The following PSMA8 variants were observed in gnomAD, a reference collection of about 807,000 sequenced individuals.
The protein encoded by PSMA8 is proteasome 20S subunit alpha 8.
Under a neutral mutation model 32.4 loss-of-function variants are expected in PSMA8, and 18 were observed. The observed-to-expected ratio is 0.56, with a 90% confidence interval of 0.38 to 0.82. PSMA8 has a LOEUF of 0.82. Among genes scored for constraint, PSMA8 ranks in the 40% least tolerant of loss-of-function variants. The probability of loss-of-function intolerance (pLI) is 0.00; values close to 1 mark genes in which losing one functional copy is unlikely to be tolerated. For missense variants in PSMA8, 298 were observed against 300.7 expected (o/e 0.99, Z 0.07); for synonymous variants, 104 against 98.1 (o/e 1.06, Z -0.36).
At chr18:26,170,818 A>G in intron 4 of PSMA8, 2 of 1,558,572 alleles carry the variant, frequency 1.3e-6, no homozygotes, top group Non-Finnish European at 1.7e-6. Context: ...AGAAGTTTAT[A>G]TTTCTCCAAA....
chr18:26,159,749 ACTCTG>A (rs1054155667), intron 4 of PSMA8, among the ~76,000 whole-genome samples: 4 of 151,732 alleles, frequency 2.6e-5, no homozygotes, highest in Non-Finnish European at 5.9e-5. Context: ...TTGGTCTGAA[ACTCTG>A]CTCTGCTCTG....
At chr18:26,191,575 C>T (rs1051580320) in intron 6 of PSMA8, among the ~76,000 whole-genome samples, 6 of 56 alleles carry the variant, frequency 0.11, no homozygotes, top group African/African-American at 0.25. Context: ...CGCTTGAACC[C>T]GGCAGCAGAG....
chr18:26,151,131 G>T (rs982559737), intron 2 of PSMA8, among the ~76,000 whole-genome samples: 2 of 152,186 alleles, frequency 1.3e-5, no homozygotes, highest in African/African-American at 2.4e-5. Context: ...GTAGAAACAG[G>T]ATTAGAAATG....
At chr18:26,167,665 C>G (rs947704138) in intron 4 of PSMA8, among the ~76,000 whole-genome samples, 1 of 152,096 alleles carries the variant, frequency 6.6e-6, no homozygotes, top group Non-Finnish European at 1.5e-5. Flanking sequence ...TTTGCATGAA[C>G]ATGTATGTGT....
At chr18:26,182,395 T>TTAAA (rs1374250586) in intron 6 of PSMA8, among the ~76,000 whole-genome samples, 4 of 152,206 alleles carry the variant, frequency 2.6e-5, no homozygotes, top group African/African-American at 9.6e-5. Flanking sequence ...ATAATGCAGC[T>TTAAA]GGTAACTTTA....
chr18:26,176,206 A>G (rs2055262829), intron 4 of PSMA8, among the ~76,000 whole-genome samples: 1 of 152,168 alleles, frequency 6.6e-6, no homozygotes, highest in South Asian at 2.1e-4. Context: ...AGAGTTAAAG[A>G]TTTTGACATT....
rs368343985 is a variant in PSMA8, at chr18:26,156,215, T to C, written c.355-1907T>C. 2.4e-3 allele frequency among the ~76,000 whole-genome samples: 369 copies of C among 152,310 alleles called. 2 individuals are homozygous for C. Among genetic ancestry groups the C allele is most frequent in the African/African-American group, 8.7e-3 (360 of 41,574 alleles). ...CGCTGTTGGTGGAAATGTAAATTAA[T>C]ACAGACATTATGGAAAATAGTATGG... On this transcript the variant is annotated intron_variant, in intron 3 of 6. Transcript: ENST00000415576.
intron 6 of PSMA8, among the ~76,000 whole-genome samples, chr18:26,184,859 G>A (rs1221722902): frequency 6.7e-6 from 1 of 149,350 alleles, no homozygotes; most frequent in Admixed American, 6.7e-5. Flanking sequence ...GGCCAAGGCG[G>A]GTGGATCACC....
chr18:26,188,799 A>G (rs1398667714), intron 6 of PSMA8, among the ~76,000 whole-genome samples: 5 of 152,182 alleles, frequency 3.3e-5, no homozygotes, highest in Non-Finnish European at 2.9e-5. Context: ...CAGAAGAATG[A>G]AACTAAACCC....
At chr18:26,137,703 C>T (rs192547783) in intron 1 of PSMA8, among the ~76,000 whole-genome samples, 1 of 152,082 alleles carries the variant, frequency 6.6e-6, no homozygotes, top group Non-Finnish European at 1.5e-5. Context: ...AGGTCACATA[C>T]AAGATAGATA....
chr18:26,157,727 C>T (rs533185160), intron 3 of PSMA8, among the ~76,000 whole-genome samples: 2 of 152,116 alleles, frequency 1.3e-5, no homozygotes, highest in Non-Finnish European at 2.9e-5. Flanking sequence ...ATAATAGTAA[C>T]ATTTATAGCG....
At position 26,185,541 on chromosome 18, in the gene PSMA8, T is replaced by G. The variant is rs150705217; in HGVS notation, c.660+6411T>G. Among the ~76,000 whole-genome samples, 70 of 150,858 alleles carry G rather than the reference T, an allele frequency of 4.6e-4. 7 individuals are homozygous for G. In the East Asian group the frequency reaches 0.013, roughly 29 times the overall value. ...AACTTCCCTAACTCTGGAATGTAAG[T>G]CCTTCCCTTCAATCTGATTGGAAGA... is the stretch of plus-strand genomic sequence containing the variant. On this transcript the variant is annotated intron_variant, in intron 6 of 6. Coordinates refer to ENST00000415576, the MANE Select transcript of PSMA8 (RefSeq NM_001025096.2).
chr18:26,189,192 T>C (rs1263108049), intron 6 of PSMA8, among the ~76,000 whole-genome samples: 2 of 152,172 alleles, frequency 1.3e-5, no homozygotes, highest in Non-Finnish European at 2.9e-5. Flanking sequence ...TTTGAATTTG[T>C]ATGTCTTCTT....
At chr18:26,138,645 T>C (rs9304491) in intron 1 of PSMA8, among the ~76,000 whole-genome samples, 38,922 of 152,120 alleles carry the variant, frequency 0.26, 8,818 homozygotes, top group African/African-American at 0.61. Flanking sequence ...AGGCTACCTA[T>C]GGTCAGTGAA....
chr18:26,175,928 C>T (rs1485145954), intron 4 of PSMA8, among the ~76,000 whole-genome samples: 1 of 152,084 alleles, frequency 6.6e-6, no homozygotes, highest in Non-Finnish European at 1.5e-5. Context: ...CCTGTGTATA[C>T]CTATTTGTAA....
At chr18:26,172,957 C>A (rs1439482787) in intron 4 of PSMA8, among the ~76,000 whole-genome samples, 1 of 152,150 alleles carries the variant, frequency 6.6e-6, no homozygotes, top group Non-Finnish European at 1.5e-5. Context: ...GGGTTGTTGG[C>A]CACTAATACA....
intron 4 of PSMA8, among the ~76,000 whole-genome samples, chr18:26,169,177 T>C (rs1598661029): frequency 7.6e-6 from 1 of 131,582 alleles, no homozygotes; most frequent in East Asian, 2.2e-4. Flanking sequence ...AGATGGGGCT[T>C]CGCCATGTTG....
chr18:26,133,882 A>AGCACGCT lies in PSMA8; in HGVS notation c.-82_-76dup. On this transcript the variant is annotated 5_prime_UTR_variant, in exon 1 of 7. Transcript: ENST00000415576. The stretch of plus-strand genomic sequence containing the variant: ...GCGTGTGGAAGCGCTTCCGGGCGGT[A>AGCACGCT]GCACGCTGTGTTGGCGGCGGCTCCC... 4 of 1,199,104 alleles carry AGCACGCT rather than the reference A, an allele frequency of 3.3e-6. No homozygotes were observed. The highest frequency in any genetic ancestry group is 4.9e-6 in the Non-Finnish European group (4 of 814,244). The allele number at this position is 1,199,104 out of a possible 1,614,324, so 74.3% of individuals were successfully genotyped here. A position where few individuals can be genotyped will look rare whatever the true frequency, so the allele number is the denominator to read the frequency against.
intron 6 of PSMA8, among the ~76,000 whole-genome samples, chr18:26,181,582 GGCCTCTTGT>G (rs2055311763): frequency 6.6e-6 from 1 of 152,204 alleles, no homozygotes; most frequent in African/African-American, 2.4e-5. Context: ...TGGAAAGCTA[GGCCTCTTGT>G]GCAAGTTATT....
Sources: gnomAD v4.1 joint callset for allele counts (sites outside exome capture counted in the v4.1 genomes callset) on GRCh38, gnomAD v4.1.1 for gene constraint, MANE v1.5 for transcripts, NCBI Gene and HGNC (gene_info 2026-07-23, HGNC 2026-07-21) for gene names.